Variants in CFAP47 observed in about 807,000 individuals in gnomAD.
CFAP47 encodes the protein cilia- and flagella-associated protein 47.
In CFAP47, 29 loss-of-function variants were observed where a neutral mutation model predicts 148.1. The observed-to-expected ratio is 0.20, with a 90% CI of 0.15 to 0.27. The LOEUF is 0.27. Ranked by LOEUF, CFAP47 falls within the 10% of genes least tolerant of loss-of-function variation. The pLI is 1.00. For missense variants in CFAP47, 1,872 were observed against 1,697.5 expected (o/e 1.10, Z -1.81); for synonymous variants, 664 against 577.3 (o/e 1.15, Z -2.15).
rs906272595 is a variant in CFAP47, at chrX:35,919,977, C to T, written c.178C>T (p.Leu60Phe). The stretch of plus-strand genomic sequence containing the variant: ...CACGATGGCCGGGAGGGTGTACCGC[C>T]TCCCGATTACTGTGCATAATATTTG... The part of the protein sequence containing the change: ...LDTMAGRVYR[L>F]PITVHNICRW... Residue 60 changes from leucine to phenylalanine, a missense_variant, in exon 1 of 64, where the codon CTC becomes TTC. By Grantham distance (22) the Leu-to-Phe change is conservative (BLOSUM62 0). Coordinates refer to ENST00000378653, the MANE Select transcript of CFAP47 (RefSeq NM_001304548.2). The T allele has an allele frequency of 8.3e-7, 1 of 1,209,599 alleles. No homozygotes were observed. The highest frequency in any genetic ancestry group is 1.1e-6 in the Non-Finnish European group (1 of 894,481).
At position 35,920,057 on chromosome X, in the gene CFAP47, C is replaced by T; in HGVS notation, c.249+9C>T. 8.5e-7 allele frequency: 1 copy of T among 1,173,456 alleles called. No homozygotes were observed. The highest frequency in any genetic ancestry group is 1.1e-6 in the Non-Finnish European group (1 of 873,027). Reference sequence around the variant, plus strand: ...AGCCCGTCAAGCCACAGGTGACACACTAAGGGGTGCTGGGAGCGGGACCTT... The same window carrying T: ...AGCCCGTCAAGCCACAGGTGACACATTAAGGGGTGCTGGGAGCGGGACCTT... On this transcript the variant is annotated intron_variant, in intron 1 of 63. Transcript: ENST00000378653.
At chrX:36,024,414 G>T (rs1937192896) in intron 22 of CFAP47, among the ~76,000 whole-genome samples, 1 of 111,529 alleles carries the variant, frequency 9.0e-6, no homozygotes, top group African/African-American at 3.3e-5. Flanking sequence ...GTTAGAGGAT[G>T]TGTGATGCCA....
chrX:36,278,671 G>A (rs1339329379), intron 49 of CFAP47, among the ~76,000 whole-genome samples: 6 of 112,206 alleles, frequency 5.3e-5, no homozygotes, highest in South Asian at 3.7e-4. Flanking sequence ...CGTCTTCTGC[G>A]TCGATCATGC....
intron 45 of CFAP47, among the ~76,000 whole-genome samples, chrX:36,208,525 T>C (rs1009588030): frequency 9.0e-6 from 1 of 111,397 alleles, no homozygotes; most frequent in Non-Finnish European, 1.9e-5. Context: ...TGCATGTAAG[T>C]GCACCCATAC....
At chrX:36,316,599 C>T (rs944502099) in intron 56 of CFAP47, among the ~76,000 whole-genome samples, 3 of 111,975 alleles carry the variant, frequency 2.7e-5, no homozygotes, top group Non-Finnish European at 3.8e-5. Context: ...AACATTTTGG[C>T]TTATTCCAAG....
chrX:36,131,816 G>A (rs1235019023), intron 33 of CFAP47, among the ~76,000 whole-genome samples: 2 of 110,944 alleles, frequency 1.8e-5, no homozygotes, highest in African/African-American at 6.5e-5. Flanking sequence ...CCATAGTGAC[G>A]GAATGTACAT....
At chrX:36,340,857 T>G (rs969731809) in intron 57 of CFAP47, among the ~76,000 whole-genome samples, 23 of 110,963 alleles carry the variant, frequency 2.1e-4, no homozygotes, top group Non-Finnish European at 4.0e-4. Flanking sequence ...CACAAAGTAT[T>G]CAAATGGAAA....
At chrX:35,923,965 ATG>A (rs1175617186) in intron 1 of CFAP47, among the ~76,000 whole-genome samples, 2 of 99,647 alleles carry the variant, frequency 2.0e-5, no homozygotes, top group East Asian at 3.1e-4. Flanking sequence ...ATGTACATAT[ATG>A]TGTATGTATG....
intron 15 of CFAP47, among the ~76,000 whole-genome samples, chrX:35,981,181 G>A (rs1057228846): frequency 2.7e-5 from 3 of 109,326 alleles, no homozygotes; most frequent in Non-Finnish European, 5.7e-5. Flanking sequence ...AAATTAAAAT[G>A]TCAGTGGAAA....
rs745565312 is a variant in CFAP47 at position 36,103,798 on chromosome X, C to T, written c.5128-701C>T. Among the ~76,000 whole-genome samples the T allele has an allele frequency of 4.7e-4, 52 of 111,412 alleles. 1 individual carries two copies. Among genetic ancestry groups the T allele is most frequent in the Admixed American group, 1.9e-4 (2 of 10,423 alleles). On this transcript the variant is annotated intron_variant, in intron 32 of 63. Coordinates refer to ENST00000378653, the MANE Select transcript of CFAP47 (RefSeq NM_001304548.2). ...ATATAGTGAGGTAGCAGATCACAAG[C>T]TGTTCATCTCATCTAGAACTTGTAG...
intron 56 of CFAP47, among the ~76,000 whole-genome samples, chrX:36,312,839 C>G (rs1197582040): frequency 6.3e-5 from 7 of 111,379 alleles, no homozygotes; most frequent in Non-Finnish European, 1.3e-4. Context: ...TCTCCCCCTT[C>G]TTCCTTAAAC....
At chrX:36,298,856 G>C (rs1425555312) in intron 51 of CFAP47, 121 bp from the exon 52 acceptor site, 13 of 409,602 alleles carry the variant, frequency 3.2e-5, no homozygotes, top group Non-Finnish European at 5.6e-5. Context: ...AGTGTATCAA[G>C]GTAAAAAAAT....
At chrX:36,302,187 A>G (rs984663773) in intron 53 of CFAP47, among the ~76,000 whole-genome samples, 2 of 110,596 alleles carry the variant, frequency 1.8e-5, no homozygotes, top group African/African-American at 6.6e-5. Flanking sequence ...TATTTTATTC[A>G]CTATAATTAA....
At chrX:36,377,863 A>G (rs969216059) in intron 62 of CFAP47, among the ~76,000 whole-genome samples, 15 of 112,357 alleles carry the variant, frequency 1.3e-4, no homozygotes, top group African/African-American at 4.5e-4. Flanking sequence ...ATCGCTTTGC[A>G]GTGACTATTA....
intron 33 of CFAP47, among the ~76,000 whole-genome samples, chrX:36,130,162 A>G (rs1938920875): frequency 9.0e-6 from 1 of 111,479 alleles, no homozygotes; most frequent in Admixed American, 9.6e-5. Context: ...AAACATTTGC[A>G]AAATATTCAT....
chrX:35,996,817 G>A (rs935687464), intron 18 of CFAP47, among the ~76,000 whole-genome samples: 14 of 111,219 alleles, frequency 1.3e-4, no homozygotes, highest in Admixed American at 1.2e-3. Context: ...ATTAACAGTC[G>A]TTATCTAATA....
chrX:36,286,701 A>G (rs1556004625), intron 51 of CFAP47, among the ~76,000 whole-genome samples: 1 of 111,400 alleles, frequency 9.0e-6, no homozygotes, highest in Non-Finnish European at 1.9e-5. Flanking sequence ...TATACATTAA[A>G]ATGTATCCCT....
At chrX:36,379,707 G>A (rs973499634) in intron 63 of CFAP47, 189 bp downstream of exon 63, 4 of 391,959 alleles carry the variant, frequency 1.0e-5, no homozygotes, top group Non-Finnish European at 1.4e-5. Flanking sequence ...TTTTAAGTAT[G>A]GTATATAACA....
At chrX:35,959,098 A>G (rs368709840) in intron 8 of CFAP47, among the ~76,000 whole-genome samples, 1 of 112,449 alleles carries the variant, frequency 8.9e-6, no homozygotes, top group East Asian at 2.8e-4. Context: ...CTTGATTTTC[A>G]TCCTGTGTTA....
Sources: allele counts gnomAD v4.1 joint callset (sites outside exome capture counted in the v4.1 genomes callset), GRCh38; gene constraint gnomAD v4.1.1; transcripts MANE v1.5; gene names NCBI Gene and HGNC (gene_info 2026-07-23, HGNC 2026-07-21).